The following PLCL1 variants were observed in gnomAD, a reference collection of about 807,000 sequenced individuals.
The protein encoded by PLCL1 is phospholipase C like 1 (inactive).
PLCL1 carries 41 observed loss-of-function variants against 84.4 expected under a neutral mutation model. The ratio of observed to expected loss-of-function variants is 0.49; its 90% CI spans 0.38 to 0.63. The LOEUF (loss-of-function observed/expected upper bound fraction) is 0.63. Among genes scored for constraint, PLCL1 ranks in the 30% least tolerant of loss-of-function variants. The pLI, the probability that PLCL1 is intolerant of heterozygous loss-of-function variation, is 0.00. For missense variants in PLCL1, 1,206 were observed against 1,367.8 expected, an observed-to-expected ratio of 0.88 and a Z score of 1.87; for synonymous variants, 490 against 488.3, an observed-to-expected ratio of 1.00 and a Z score of -0.05.
chr2:198,060,362 C>G (rs1692163484), intron 1 of PLCL1, among the ~76,000 whole-genome samples: 1 of 152,180 alleles, frequency 6.6e-6, no homozygotes, highest in Non-Finnish European at 1.5e-5. Context: ...GAAGTTGTCT[C>G]TGTGTTAAGT....
intron 3 of PLCL1, among the ~76,000 whole-genome samples, chr2:198,091,665 G>A (rs540942459): frequency 1.6e-4 from 23 of 145,148 alleles, no homozygotes; most frequent in Admixed American, 1.3e-3. Flanking sequence ...GGGTGACAGA[G>A]CAAGATGCAA....
At chr2:197,998,972 C>T (rs1048255648) in intron 1 of PLCL1, among the ~76,000 whole-genome samples, 1 of 152,176 alleles carries the variant, frequency 6.6e-6, no homozygotes. Context: ...GAGAGAGACA[C>T]ATTCATTTTC....
At chr2:197,880,768 C>T (rs1481856051) in intron 1 of PLCL1, among the ~76,000 whole-genome samples, 1 of 152,128 alleles carries the variant, frequency 6.6e-6, no homozygotes, top group African/African-American at 2.4e-5. Context: ...GGAAGAATCA[C>T]CTGGACAGAT....
intron 1 of PLCL1, among the ~76,000 whole-genome samples, chr2:198,050,682 T>G (rs1691905780): frequency 6.6e-6 from 1 of 152,238 alleles, no homozygotes; most frequent in African/African-American, 2.4e-5. Flanking sequence ...AAGACTTACA[T>G]ATATCAGTTG....
Position 197,901,580 on chromosome 2 carries a change from G to T in PLCL1, c.240+96241G>T, listed in dbSNP as rs191071609. Among the ~76,000 whole-genome samples, 839 of 152,278 alleles carry T rather than the reference G, an allele frequency of 5.5e-3. 6 individuals carry two copies. Among genetic ancestry groups the T allele is most frequent in the African/African-American group, 0.019 (805 of 41,552 alleles). On this transcript the variant is annotated intron_variant, in intron 1 of 5. Coordinates refer to ENST00000428675, the MANE Select transcript of PLCL1 (RefSeq NM_006226.4). Reference sequence around the variant, plus strand: ...GCAATGTTCCAGAAGAGACAGAAGGGGAGCCAGCGTGGAAAGTGTACCTTA... The same window carrying T: ...GCAATGTTCCAGAAGAGACAGAAGGTGAGCCAGCGTGGAAAGTGTACCTTA...
chr2:198,056,261 C>A (rs1692069710), intron 1 of PLCL1, among the ~76,000 whole-genome samples: 1 of 152,072 alleles, frequency 6.6e-6, no homozygotes, highest in Admixed American at 6.6e-5. Flanking sequence ...ATCAGGAAGG[C>A]TTTTGGTTTA....
chr2:197,903,468 ATTTTTTTTTTTTTTTTTTT>A (rs3056105), intron 1 of PLCL1, among the ~76,000 whole-genome samples: 2 of 47,766 alleles, frequency 4.2e-5, no homozygotes, highest in Admixed American at 4.0e-4. Flanking sequence ...CTCCATTTAA[ATTTTTTTTTTTTTTTTTTT>A]TTTTTTTTTT....
intron 5 of PLCL1, among the ~76,000 whole-genome samples, chr2:198,139,860 C>T (rs1387016707): frequency 6.6e-6 from 1 of 152,092 alleles, no homozygotes; most frequent in African/African-American, 2.4e-5. Flanking sequence ...GGGTGTATCT[C>T]AGTTCACATA....
At chr2:197,817,235 G>A (rs548966232) in intron 1 of PLCL1, among the ~76,000 whole-genome samples, 2 of 150,546 alleles carry the variant, frequency 1.3e-5, no homozygotes, top group East Asian at 3.9e-4. Flanking sequence ...TTTTTTTCTT[G>A]TCCAAAAAGA....
chr2:197,886,959 T>C (rs965414446), intron 1 of PLCL1, among the ~76,000 whole-genome samples: 3 of 152,184 alleles, frequency 2.0e-5, no homozygotes, highest in Non-Finnish European at 4.4e-5. Context: ...TTAACATACA[T>C]TATTTTATCT....
intron 1 of PLCL1, among the ~76,000 whole-genome samples, chr2:197,992,619 T>G (rs958241848): frequency 6.6e-6 from 1 of 152,164 alleles, no homozygotes; most frequent in Non-Finnish European, 1.5e-5. Flanking sequence ...TATAGTGTAG[T>G]GCAACCATCA....
chr2:197,807,723 A>G (rs1574889284), intron 1 of PLCL1, among the ~76,000 whole-genome samples: 1 of 152,224 alleles, frequency 6.6e-6, no homozygotes, highest in African/African-American at 2.4e-5. Flanking sequence ...AAATGTACAC[A>G]AAGAAGAAAA....
rs1694602763 is a variant in PLCL1, at chr2:198,149,850, G to A, written c.*2888G>A. The A allele has an allele frequency of 6.6e-6, 1 of 152,070 alleles. No homozygotes were observed. The highest frequency in any genetic ancestry group is 2.1e-4 in the South Asian group (1 of 4,824). 9.4% of individuals were successfully genotyped at this position (152,070 alleles called of 1,614,324 possible). A position where few individuals can be genotyped will look rare whatever the true frequency, so the allele number is the denominator to read the frequency against. Reference sequence around the variant, plus strand: ...GATATCTTTCTGTGTCAATAAATGTGTATTTACATTAGAGTTCCAAGCATT... The same window carrying A: ...GATATCTTTCTGTGTCAATAAATGTATATTTACATTAGAGTTCCAAGCATT... On this transcript the variant is annotated 3_prime_UTR_variant, in exon 6 of 6. Transcript: ENST00000428675.
intron 1 of PLCL1, among the ~76,000 whole-genome samples, chr2:198,078,706 C>A (rs1267932196): frequency 6.6e-6 from 1 of 151,920 alleles, no homozygotes; most frequent in Non-Finnish European, 1.5e-5. Flanking sequence ...CATTTTAGAA[C>A]TGTTTGCTTA....
At chr2:198,078,467 A>G (rs922062368) in intron 1 of PLCL1, among the ~76,000 whole-genome samples, 2 of 152,298 alleles carry the variant, frequency 1.3e-5, no homozygotes, top group Non-Finnish European at 1.5e-5. Flanking sequence ...TAGGGTCTGT[A>G]TGGTGAAAAT....
At chr2:197,846,585 G>A (rs1687123793) in intron 1 of PLCL1, among the ~76,000 whole-genome samples, 1 of 152,118 alleles carries the variant, frequency 6.6e-6, no homozygotes, top group African/African-American at 2.4e-5. Context: ...GGGGTTGTAA[G>A]TATAAATAGG....
intron 5 of PLCL1, among the ~76,000 whole-genome samples, chr2:198,141,783 G>A (rs904342751): frequency 6.6e-6 from 1 of 152,138 alleles, no homozygotes; most frequent in African/African-American, 2.4e-5. Context: ...ACTCTCCCAT[G>A]GATAAAAGAA....
At chr2:197,913,990 A>T (rs1688540887) in intron 1 of PLCL1, among the ~76,000 whole-genome samples, 1 of 152,134 alleles carries the variant, frequency 6.6e-6, no homozygotes, top group East Asian at 1.9e-4. Context: ...TTACTATTTT[A>T]ATCAAGAAAA....
chr2:197,868,432 T>G (rs1687587185), intron 1 of PLCL1, among the ~76,000 whole-genome samples: 1 of 152,218 alleles, frequency 6.6e-6, no homozygotes, highest in South Asian at 2.1e-4. Flanking sequence ...CCTATTCTTG[T>G]GTACTTTATC....
Sources: allele counts gnomAD v4.1 joint callset (sites outside exome capture counted in the v4.1 genomes callset), GRCh38; gene constraint gnomAD v4.1.1; transcripts MANE v1.5; gene names NCBI Gene and HGNC (gene_info 2026-07-23, HGNC 2026-07-21).